The following GPC6 variants were observed in gnomAD, a reference collection of about 807,000 sequenced individuals.
The protein encoded by GPC6 is glypican-6.
Under a neutral mutation model 55.2 loss-of-function variants are expected in GPC6, and 14 were observed. That is an observed-to-expected ratio of 0.25 (90% CI 0.17 to 0.40). The LOEUF (loss-of-function observed/expected upper bound fraction) is 0.40, where lower values mean the gene tolerates loss of function less well. GPC6 is among the 10% of genes least tolerant of loss of function. The pLI, the probability that GPC6 is intolerant of heterozygous loss-of-function variation, is 1.00. For synonymous variants in GPC6, 278 were observed against 259.6 expected, an observed-to-expected ratio of 1.07 and a Z score of -0.68; for missense variants, 641 against 708.5, an observed-to-expected ratio of 0.90 and a Z score of 1.08.
At chr13:93,500,899 C>T (rs1880496387) in intron 1 of GPC6, among the ~76,000 whole-genome samples, 1 of 152,126 alleles carries the variant, frequency 6.6e-6, no homozygotes, top group African/African-American at 2.4e-5. Context: ...GACATTAATC[C>T]ATGTGGATGT....
chr13:93,548,608 T>C lies in GPC6; in HGVS notation c.319+3187T>C, dbSNP rs74362155. 7.6e-3 allele frequency among the ~76,000 whole-genome samples: 1,162 copies of C among 152,308 alleles called. 7 individuals are homozygous for C. Among genetic ancestry groups the C allele is most frequent in the Non-Finnish European group, 0.012 (795 of 68,026 alleles). ...ACTTTCTCTGTCTTTTTTAAATTGATATTTTGATAACATTTAGAAGAGACA... is the reference window on the plus strand; with the variant it reads ...ACTTTCTCTGTCTTTTTTAAATTGACATTTTGATAACATTTAGAAGAGACA... On this transcript the variant is annotated intron_variant, in intron 2 of 8. Transcript: ENST00000377047.
At chr13:94,014,459 G>A (rs1340006505) in intron 3 of GPC6, among the ~76,000 whole-genome samples, 5 of 152,082 alleles carry the variant, frequency 3.3e-5, no homozygotes, top group Non-Finnish European at 1.5e-5. Context: ...CTCAAATATG[G>A]CAGTAGGAAT....
At chr13:94,363,758 C>G (rs59980018) in intron 6 of GPC6, among the ~76,000 whole-genome samples, 1 of 152,020 alleles carries the variant, frequency 6.6e-6, no homozygotes, top group Non-Finnish European at 1.5e-5. Flanking sequence ...GAGCTCTAAG[C>G]GAAAAACCCA....
intron 2 of GPC6, among the ~76,000 whole-genome samples, chr13:93,707,442 G>T (rs952723098): frequency 1.6e-4 from 25 of 151,630 alleles, no homozygotes; most frequent in African/African-American, 5.3e-4. Context: ...TCCATTTGGT[G>T]AAGATAGTGT....
At chr13:93,562,004 C>T (rs888679836) in intron 2 of GPC6, among the ~76,000 whole-genome samples, 8 of 152,108 alleles carry the variant, frequency 5.3e-5, no homozygotes, top group African/African-American at 1.9e-4. Flanking sequence ...TGGGATTCAG[C>T]AGCAGCTGTT....
At chr13:93,768,110 C>T (rs1023259776) in intron 2 of GPC6, among the ~76,000 whole-genome samples, 8 of 152,204 alleles carry the variant, frequency 5.3e-5, no homozygotes, top group Admixed American at 1.3e-4. Flanking sequence ...ACTCATGTGG[C>T]GTGGAGGCCA....
At chr13:94,057,641 C>T (rs79559893) in intron 4 of GPC6, among the ~76,000 whole-genome samples, 1,750 of 152,218 alleles carry the variant, frequency 0.011, 43 homozygotes, top group African/African-American at 0.04. Context: ...TGGAAACCAC[C>T]GTTGTGAAAT....
At chr13:94,068,182 G>T (rs1884602471) in intron 4 of GPC6, among the ~76,000 whole-genome samples, 1 of 152,166 alleles carries the variant, frequency 6.6e-6, no homozygotes, top group Non-Finnish European at 1.5e-5. Flanking sequence ...AGTCATGGTG[G>T]AAGGCAAGGA....
chr13:94,309,979 A>G (rs767705887), intron 6 of GPC6, among the ~76,000 whole-genome samples: 2 of 152,186 alleles, frequency 1.3e-5, no homozygotes, highest in Non-Finnish European at 2.9e-5. Flanking sequence ...CTCTTACATA[A>G]TTTGATGTGA....
chr13:93,882,613 A>G (rs1875064449), intron 3 of GPC6, among the ~76,000 whole-genome samples: 1 of 152,010 alleles, frequency 6.6e-6, no homozygotes, highest in Admixed American at 6.6e-5. Context: ...GTGTGATGTA[A>G]AGTTCTATGG....
chr13:93,455,365 A>G (rs1040050800), intron 1 of GPC6, among the ~76,000 whole-genome samples: 2 of 152,134 alleles, frequency 1.3e-5, no homozygotes, highest in African/African-American at 4.8e-5. Context: ...GATTATTTCC[A>G]AACGAAGGAA....
chr13:94,300,035 T>C (rs1875559221), intron 5 of GPC6, among the ~76,000 whole-genome samples: 1 of 152,196 alleles, frequency 6.6e-6, no homozygotes, highest in South Asian at 2.1e-4. Flanking sequence ...CATTAACTGT[T>C]ACCTGGATTT....
chr13:93,612,079 A>G (rs1878487776), intron 2 of GPC6, among the ~76,000 whole-genome samples: 1 of 152,236 alleles, frequency 6.6e-6, no homozygotes, highest in Non-Finnish European at 1.5e-5. Flanking sequence ...CATGTTTCCA[A>G]CCACGTTTAT....
At chr13:93,229,663 TTTACAA>T (rs1375561211) in intron 1 of GPC6, among the ~76,000 whole-genome samples, 1 of 152,182 alleles carries the variant, frequency 6.6e-6, no homozygotes, top group Non-Finnish European at 1.5e-5. Flanking sequence ...TCCCCACCTT[TTTACAA>T]TTACAGTGTT....
At chr13:93,886,498 A>G (rs1875334999) in intron 3 of GPC6, among the ~76,000 whole-genome samples, 1 of 152,034 alleles carries the variant, frequency 6.6e-6, no homozygotes, top group East Asian at 1.9e-4. Context: ...AAACGAAAAA[A>G]AAAATTATTC....
chr13:94,101,016 C>T (rs976655408), intron 4 of GPC6, among the ~76,000 whole-genome samples: 1 of 152,200 alleles, frequency 6.6e-6, no homozygotes, highest in Non-Finnish European at 1.5e-5. Context: ...TTGCGTCAGG[C>T]AAACTGGTTA....
At chr13:93,279,061 T>C (rs1476660432) in intron 1 of GPC6, among the ~76,000 whole-genome samples, 1 of 152,252 alleles carries the variant, frequency 6.6e-6, no homozygotes, top group East Asian at 1.9e-4. Flanking sequence ...CTCACTTTAA[T>C]TTGAAAACCT....
At chr13:93,888,809 C>T (rs1875494625) in intron 3 of GPC6, among the ~76,000 whole-genome samples, 1 of 152,050 alleles carries the variant, frequency 6.6e-6, no homozygotes, top group Admixed American at 6.6e-5. Context: ...AGGAAAGAAA[C>T]CAAATTTAAT....
chr13:93,556,398 G>GTA (rs1555311039), intron 2 of GPC6, among the ~76,000 whole-genome samples: 9,465 of 113,588 alleles, frequency 0.083, 413 homozygotes, highest in East Asian at 0.27. Flanking sequence ...GTGTGTGTAT[G>GTA]TATGTATATG....
Sources: allele counts gnomAD v4.1 joint callset (sites outside exome capture counted in the v4.1 genomes callset), GRCh38; gene constraint gnomAD v4.1.1; transcripts MANE v1.5; gene names NCBI Gene and HGNC (gene_info 2026-07-23, HGNC 2026-07-21).